OSBPL9: variants seen among roughly 807,000 people sequenced by gnomAD.
OSBPL9 encodes the protein oxysterol-binding protein-related protein 9.
A neutral mutation model predicts 106.6 loss-of-function variants in OSBPL9; 40 were observed. The observed-to-expected ratio is 0.38, with a 90% confidence interval of 0.29 to 0.49. OSBPL9 has a LOEUF of 0.49. Ranked by LOEUF, OSBPL9 falls within the 20% of genes least tolerant of loss-of-function variation. OSBPL9 has a pLI of 0.97. For missense variants in OSBPL9, 609 were observed against 887.2 expected (o/e 0.69, Z 3.98); for synonymous variants, 269 against 295.4 (o/e 0.91, Z 0.92).
At chr1:51,737,303 G>A (rs1488996628) in intron 4 of OSBPL9, among the ~76,000 whole-genome samples, 1 of 151,944 alleles carries the variant, frequency 6.6e-6, no homozygotes, top group African/African-American at 2.4e-5. Flanking sequence ...GACCTTGCAT[G>A]CTAAAATGGT....
At chr1:51,546,767 C>T in the OSBPL9 span, among the ~76,000 whole-genome samples, 1 of 150,240 alleles carries the variant, frequency 6.7e-6, no homozygotes, top group South Asian at 2.1e-4. Context: ...ATACGCAACA[C>T]ACAAAACTGG....
chr1:51,649,855 A>G (rs914622338), intron 1 of OSBPL9, among the ~76,000 whole-genome samples: 1 of 145,094 alleles, frequency 6.9e-6, no homozygotes, highest in Non-Finnish European at 1.5e-5. Context: ...AATTATTTTC[A>G]GTTATCTCTC....
In OSBPL9 at chr1:51,787,735, A is replaced by G. The variant is rs777541516; in HGVS notation, c.2157A>G (p.Glu719=). 7.4e-6 allele frequency: 12 copies of G among 1,613,558 alleles called. No individual in the cohort carries two copies. The highest frequency in any genetic ancestry group is 8.5e-6 in the Non-Finnish European group (10 of 1,179,668). The part of the protein sequence containing the change: ...WETRLFHEDG[E]CWVYDEPLLK... ...TACAGTTATTTCATGAAGATGGAGA[A>G]TGCTGGGTTTATGATGAACCATTAC... Residue 719 remains glutamate (E), a synonymous_variant, in exon 24 of 24, where the codon GAA becomes GAG. Coordinates refer to ENST00000428468, the MANE Select transcript of OSBPL9 (RefSeq NM_024586.6).
intron 3 of OSBPL9, among the ~76,000 whole-genome samples, chr1:51,690,590 A>G (rs1488068287): frequency 6.6e-6 from 1 of 152,226 alleles, no homozygotes; most frequent in Non-Finnish European, 1.5e-5. Context: ...AAATATAATA[A>G]TGGAACCCTG....
At chr1:51,701,878 A>C (rs1213615034) in intron 3 of OSBPL9, among the ~76,000 whole-genome samples, 6 of 151,910 alleles carry the variant, frequency 3.9e-5, no homozygotes, top group African/African-American at 7.3e-5. Flanking sequence ...ATTCCCACCT[A>C]TGAGTGAGAA....
At chr1:51,599,991 G>T (rs1489262337) in intron 2 of OSBPL9, among the ~76,000 whole-genome samples, 1 of 152,208 alleles carries the variant, frequency 6.6e-6, no homozygotes. Flanking sequence ...AGAATAGATG[G>T]AAGGACCAGG....
At chr1:51,715,873 A>G (rs1020459669) in intron 4 of OSBPL9, among the ~76,000 whole-genome samples, 6 of 152,124 alleles carry the variant, frequency 3.9e-5, no homozygotes, top group African/African-American at 9.7e-5. Context: ...GACCTCTTCT[A>G]TGAACCCTCT....
chr1:51,539,761 A>G, the OSBPL9 span, among the ~76,000 whole-genome samples: 2 of 152,126 alleles, frequency 1.3e-5, no homozygotes, highest in African/African-American at 2.4e-5. Context: ...TTAGGTTTGA[A>G]CCCAGGTTGA....
At chr1:51,714,206 T>C (rs1660625776) in intron 4 of OSBPL9, 127 bp downstream of exon 4, 8 of 612,880 alleles carry the variant, frequency 1.3e-5, no homozygotes, top group Non-Finnish European at 2.2e-5. Flanking sequence ...TCTGAGTTGC[T>C]TATTTTTCCT....
intron 13 of OSBPL9, 58 bp downstream of exon 13, chr1:51,772,240 T>A: frequency 1.4e-6 from 2 of 1,382,654 alleles, no homozygotes; most frequent in Non-Finnish European, 2.0e-6. Flanking sequence ...TGGCCAGATG[T>A]GGTGGCTCAT....
intron 2 of OSBPL9, among the ~76,000 whole-genome samples, chr1:51,611,601 A>G (rs1368170862): frequency 6.6e-6 from 1 of 152,216 alleles, no homozygotes; most frequent in Non-Finnish European, 1.5e-5. Flanking sequence ...AAGGGAAAAA[A>G]TTAATGGTCT....
intron 3 of OSBPL9, 149 bp downstream of exon 3, chr1:51,669,661 A>T: frequency 9.5e-5 from 56 of 587,636 alleles, no homozygotes; most frequent in Non-Finnish European, 1.3e-4. Flanking sequence ...GTGGTACTGC[A>T]GGTTAGGCAG....
Position 51,788,599 on chromosome 1 carries a change from T to TTGTA in OSBPL9, c.*814_*817dup, listed in dbSNP as rs1414606905. On this transcript the variant is annotated 3_prime_UTR_variant, in exon 24 of 24. Coordinates refer to ENST00000428468, the MANE Select transcript of OSBPL9 (RefSeq NM_024586.6). ...GGATCCATTCTTTTCCTCTGTCAGA[T>TTGTA]TGTATGTTCTGTCTTTAGCCCCTGC... 3 of 152,466 alleles carry TTGTA rather than the reference T, an allele frequency of 2.0e-5. No individual in the cohort carries two copies. The highest frequency in any genetic ancestry group is 2.1e-4 in the South Asian group (1 of 4,826). The allele number at this position is 152,466 out of a possible 1,614,324, so 9.4% of individuals were successfully genotyped here.
rs79171798 is a variant in OSBPL9 at position 51,716,872 on chromosome 1, T to C, written c.318+2793T>C. On this transcript the variant is annotated intron_variant, in intron 4 of 23. Transcript: ENST00000428468. The stretch of plus-strand genomic sequence containing the variant: ...TGTTAGGTTCTCTTCTTTTGCTTTT[T>C]TTAAAAAAAAATTCTCACAAAACTC... 2.3e-3 allele frequency among the ~76,000 whole-genome samples: 351 copies of C among 152,288 alleles called. 4 individuals are homozygous for C. Among genetic ancestry groups the C allele is most frequent in the African/African-American group, 8.3e-3 (343 of 41,548 alleles).
intron 2 of OSBPL9, among the ~76,000 whole-genome samples, chr1:51,661,946 C>T (rs1647198895): frequency 6.6e-6 from 1 of 152,090 alleles, no homozygotes; most frequent in Admixed American, 6.6e-5. Context: ...GCCTTGTAGG[C>T]TAGGCTGTGG....
intron 1 of OSBPL9, among the ~76,000 whole-genome samples, chr1:51,638,142 T>A (rs531936880): frequency 6.6e-6 from 1 of 152,180 alleles, no homozygotes; most frequent in Non-Finnish European, 1.5e-5. Flanking sequence ...TTACCTTGTT[T>A]ACTGATATAT....
chr1:51,702,739 A>G (rs571204813), intron 3 of OSBPL9, among the ~76,000 whole-genome samples: 2 of 152,244 alleles, frequency 1.3e-5, no homozygotes, highest in Admixed American at 1.3e-4. Context: ...CCTGAATGGT[A>G]TTGCCTAGGT....
At chr1:51,642,065 C>CTGTCTGTGTTA (rs1645835057) in intron 1 of OSBPL9, among the ~76,000 whole-genome samples, 1 of 151,944 alleles carries the variant, frequency 6.6e-6, no homozygotes, top group Non-Finnish European at 1.5e-5. Flanking sequence ...GACTTAGTAA[C>CTGTCTGTGTTA]ACACTAAAAT....
the OSBPL9 span, chr1:51,563,789 CTG>C: frequency 1.3e-5 from 2 of 152,066 alleles, no homozygotes; most frequent in African/African-American, 4.8e-5. Flanking sequence ...TGAGAAAAAA[CTG>C]GGGTCCAGGC....
Sources: allele counts gnomAD v4.1 joint callset (sites outside exome capture counted in the v4.1 genomes callset), GRCh38; gene constraint gnomAD v4.1.1; transcripts MANE v1.5; gene names NCBI Gene and HGNC (gene_info 2026-07-23, HGNC 2026-07-21).